Variants in RPRD2 observed in about 807,000 individuals in gnomAD.
RPRD2 encodes regulation of nuclear pre-mRNA domain-containing protein 2.
A neutral mutation model predicts 104.4 loss-of-function variants in RPRD2; 12 were observed. That is an observed-to-expected ratio of 0.11 (90% confidence interval 0.07 to 0.19). The LOEUF (loss-of-function observed/expected upper bound fraction) is 0.19. Among genes scored for constraint, RPRD2 ranks in the 10% least tolerant of loss-of-function variants. RPRD2 has a pLI of 1.00. For synonymous variants in RPRD2, 714 were observed against 684.9 expected (o/e 1.04, Z -0.66); for missense variants, 1,543 against 1,790.1 (o/e 0.86, Z 2.49).
At chr1:150,438,203 T>G (rs1358657622) in intron 2 of RPRD2, among the ~76,000 whole-genome samples, 1 of 152,004 alleles carries the variant, frequency 6.6e-6, no homozygotes, top group Admixed American at 6.6e-5. Context: ...GGCAGAAGAA[T>G]CGCTTGAACT....
intron 1 of RPRD2, among the ~76,000 whole-genome samples, chr1:150,371,772 T>TTA (rs1364906542): frequency 1.3e-5 from 2 of 152,168 alleles, no homozygotes; most frequent in African/African-American, 4.8e-5. Flanking sequence ...GTATACACTC[T>TTA]TACCCACCAT....
At chr1:150,414,035 G>A (rs143996691) in intron 1 of RPRD2, among the ~76,000 whole-genome samples, 16 of 152,256 alleles carry the variant, frequency 1.1e-4, no homozygotes, top group African/African-American at 3.9e-4. Flanking sequence ...AGAGGTTTCA[G>A]TGAGCCAAGA....
chr1:150,432,641 GC>G (rs71485829), intron 2 of RPRD2, among the ~76,000 whole-genome samples: 2 of 93,462 alleles, frequency 2.1e-5, no homozygotes, highest in African/African-American at 3.8e-5. Context: ...AAAAAAAAAA[GC>G]CAAAAAAAAA....
intron 1 of RPRD2, among the ~76,000 whole-genome samples, chr1:150,394,009 G>A (rs1662294251): frequency 6.6e-6 from 1 of 152,014 alleles, no homozygotes; most frequent in Non-Finnish European, 1.5e-5. Flanking sequence ...ATATCGGCTG[G>A]TGTTGCTGAA....
chr1:150,438,954 C>T (rs1666212594), intron 2 of RPRD2, among the ~76,000 whole-genome samples: 1 of 152,232 alleles, frequency 6.6e-6, no homozygotes, highest in African/African-American at 2.4e-5. Context: ...CCTGCCTCAG[C>T]GTCCCGAGTA....
intron 1 of RPRD2, among the ~76,000 whole-genome samples, chr1:150,375,119 A>G (rs183836401): frequency 6.6e-6 from 1 of 152,074 alleles, no homozygotes; most frequent in Admixed American, 6.6e-5. Context: ...ATAAACTATA[A>G]TTATTGTAAT....
intron 1 of RPRD2, among the ~76,000 whole-genome samples, chr1:150,372,506 G>GACACACACACACAC (rs143656895): frequency 0.14 from 20,569 of 150,178 alleles, 1,453 homozygotes; most frequent in Non-Finnish European, 0.16. Context: ...CACACACACA[G>GACACACACACACAC]ACACACACAC....
rs1553899472 is a variant in RPRD2, at chr1:150,464,557, G to A, written c.1442G>A (p.Gly481Glu). 3.1e-6 allele frequency: 5 copies of A among 1,603,804 alleles called. No homozygotes were observed. The highest frequency in any genetic ancestry group is 4.3e-6 in the Non-Finnish European group (5 of 1,175,072). The change falls in exon 10 of 11, where the codon GGA (glycine) becomes GAA (glutamate). Residue 481 changes from glycine (G) to glutamate (E), a missense_variant. Physicochemically the swap from Gly to Glu is moderately conservative, Grantham distance 98. Around this residue, in one of 4 missense-constraint regions of RPRD2, gnomAD observed 572 missense variants for 787.3 expected, o/e 0.73. Coordinates refer to ENST00000369068, the MANE Select transcript of RPRD2 (RefSeq NM_015203.5). ...AGTCCTGCATCAAGACCTTCTCCAGGAACGCCCACCAGCCCCAGCAACCTC... is the reference window on the plus strand; with the variant it reads ...AGTCCTGCATCAAGACCTTCTCCAGAAACGCCCACCAGCCCCAGCAACCTC... ...GVSPASRPSP[G>E]TPTSPSNLTS...
At chr1:150,464,759 G>A in intron 10 of RPRD2, 32 bp downstream of exon 10, 1 of 1,531,686 alleles carries the variant, frequency 6.5e-7, no homozygotes, top group East Asian at 2.3e-5. Flanking sequence ...GACTCGAATT[G>A]TGAATGTTTG....
chr1:150,381,209 G>C (rs1661100716), intron 1 of RPRD2, among the ~76,000 whole-genome samples: 1 of 151,542 alleles, frequency 6.6e-6, no homozygotes, highest in Admixed American at 6.6e-5. Context: ...GATTGCTTGA[G>C]TCCAGGAGTT....
chr1:150,468,628 G>GC, intron 10 of RPRD2, among the ~76,000 whole-genome samples: 1 of 152,140 alleles, frequency 6.6e-6, no homozygotes, highest in East Asian at 1.9e-4. Flanking sequence ...TGTAATCTCA[G>GC]CACTTTGGGA....
intron 2 of RPRD2, among the ~76,000 whole-genome samples, chr1:150,420,582 T>G (rs1553889471): frequency 6.6e-6 from 1 of 152,174 alleles, no homozygotes; most frequent in African/African-American, 2.4e-5. Context: ...TCCCAGCACT[T>G]TGGGAGGCCG....
At position 150,443,275 on chromosome 1, in the gene RPRD2, G is replaced by T; in HGVS notation, c.559G>T (p.Glu187Ter). 1 of 1,571,512 alleles carries T rather than the reference G, an allele frequency of 6.4e-7. No homozygotes were observed. The highest frequency in any genetic ancestry group is 1.2e-5 in the South Asian group (1 of 85,618). The change falls in exon 5 of 11, where the codon GAA becomes TAA. Residue 187 changes from glutamate (E) to a stop codon, truncating the protein, a stop_gained. Coordinates refer to ENST00000369068, the MANE Select transcript of RPRD2 (RefSeq NM_015203.5). LOFTEE classifies it high-confidence loss of function. Reference sequence around the variant, plus strand: ...TGCTCTCAAGTCTAAGATAGTTGCTGAATTTCGAGTAAGTTACAGAATTTG... The same window carrying T: ...TGCTCTCAAGTCTAAGATAGTTGCTTAATTTCGAGTAAGTTACAGAATTTG... Reference protein sequence around the residue: ...KAALKSKIVAEFRSQALIEEL... With the variant: ...KAALKSKIVA
At chr1:150,452,942 T>C (rs1285416975) in intron 7 of RPRD2, among the ~76,000 whole-genome samples, 1 of 152,060 alleles carries the variant, frequency 6.6e-6, no homozygotes, top group Non-Finnish European at 1.5e-5. Context: ...AGTGCTGAGA[T>C]TACAGGCGTG....
chr1:150,434,828 AT>A (rs1665886190), intron 2 of RPRD2, among the ~76,000 whole-genome samples: 1 of 150,432 alleles, frequency 6.6e-6, no homozygotes, highest in Non-Finnish European at 1.5e-5. Flanking sequence ...AAAAATAGAA[AT>A]AAAAAAGAAA....
chr1:150,404,273 G>A (rs992809712), intron 1 of RPRD2, among the ~76,000 whole-genome samples: 1 of 151,984 alleles, frequency 6.6e-6, no homozygotes. Flanking sequence ...TTGAGATGGG[G>A]TCTCACTCTG....
chr1:150,368,510 C>G (rs1660026735), intron 1 of RPRD2, among the ~76,000 whole-genome samples: 1 of 144,030 alleles, frequency 6.9e-6, no homozygotes, highest in African/African-American at 2.6e-5. Context: ...TTCACCCATG[C>G]TGGAGTATAA....
intron 9 of RPRD2, 136 bp from the exon 10 acceptor site, chr1:150,464,381 TACATGTCATG>T (rs1553899427): frequency 1.8e-5 from 9 of 509,080 alleles, no homozygotes; most frequent in East Asian, 3.1e-5. Flanking sequence ...TTTTTTTTTG[TACATGTCATG>T]TTATGATGGA....
At chr1:150,374,129 C>T (rs587623146) in intron 1 of RPRD2, among the ~76,000 whole-genome samples, 75 of 152,230 alleles carry the variant, frequency 4.9e-4, no homozygotes, top group African/African-American at 1.8e-3. Context: ...TACCATCTAA[C>T]CTCTGGGGAA....
Sources: allele counts gnomAD v4.1 joint callset (sites outside exome capture counted in the v4.1 genomes callset), GRCh38; gene constraint gnomAD v4.1.1; regional missense constraint gnomAD v4.1.1; transcripts MANE v1.5; gene names NCBI Gene and HGNC (gene_info 2026-07-23, HGNC 2026-07-21).